Variants in OLA1 observed in about 807,000 individuals in gnomAD.
OLA1 encodes Obg like ATPase 1.
A neutral mutation model predicts 48.4 loss-of-function variants in OLA1; 14 were observed. That is an observed-to-expected ratio of 0.29 (90% CI 0.19 to 0.45). The LOEUF (loss-of-function observed/expected upper bound fraction) is 0.45. Ranked by LOEUF, OLA1 falls within the 20% of genes least tolerant of loss-of-function variation. OLA1 has a pLI of 1.00. For synonymous variants in OLA1, 127 were observed against 150.4 expected (o/e 0.84, Z 1.14); for missense variants, 325 against 467.1 (o/e 0.70, Z 2.80).
At chr2:174,205,604 A>G (rs1688094057) in intron 4 of OLA1, among the ~76,000 whole-genome samples, 1 of 152,170 alleles carries the variant, frequency 6.6e-6, no homozygotes, top group South Asian at 2.1e-4. Context: ...TACAAACAAA[A>G]TATCTAAATC....
intron 3 of OLA1, among the ~76,000 whole-genome samples, chr2:174,226,193 C>A (rs1316324926): frequency 7.0e-6 from 1 of 143,068 alleles, no homozygotes; most frequent in African/African-American, 2.6e-5. Context: ...AGCGAGACTC[C>A]GTCTCAAAAA....
intron 4 of OLA1, among the ~76,000 whole-genome samples, chr2:174,145,774 A>G (rs1279942699): frequency 6.6e-6 from 1 of 152,274 alleles, no homozygotes; most frequent in African/African-American, 2.4e-5. Flanking sequence ...TGTATAAAGT[A>G]ACAATCATAT....
chr2:174,148,129 G>A (rs1047629296), intron 4 of OLA1, among the ~76,000 whole-genome samples: 3 of 152,230 alleles, frequency 2.0e-5, no homozygotes, highest in African/African-American at 7.2e-5. Context: ...GCTCACGCCT[G>A]TAACCCCAGC....
chr2:174,196,804 G>A (rs1203783662), intron 4 of OLA1, among the ~76,000 whole-genome samples: 1 of 152,140 alleles, frequency 6.6e-6, no homozygotes, highest in African/African-American at 2.4e-5. Flanking sequence ...AATATGCCCT[G>A]TCAGAATATC....
At chr2:174,183,035 T>C (rs925422194) in intron 4 of OLA1, among the ~76,000 whole-genome samples, 1 of 152,058 alleles carries the variant, frequency 6.6e-6, no homozygotes, top group Non-Finnish European at 1.5e-5. Context: ...AGTGGCTCCA[T>C]ACGATCTCTA....
intron 5 of OLA1, 49 bp downstream of exon 5, chr2:174,141,776 A>C (rs745643319): frequency 7.1e-7 from 1 of 1,417,628 alleles, no homozygotes; most frequent in Non-Finnish European, 9.7e-7. Flanking sequence ...AATTTAATCA[A>C]GAAAAATAAA....
intron 4 of OLA1, among the ~76,000 whole-genome samples, chr2:174,187,793 T>A (rs1422778227): frequency 6.6e-6 from 1 of 151,950 alleles, no homozygotes; most frequent in Non-Finnish European, 1.5e-5. Context: ...GTATGGAAGG[T>A]TTTCAAAAGG....
In OLA1 at chr2:174,074,125, T is replaced by C. The variant is rs1022017734; in HGVS notation, c.*1301A>G. The C allele has an allele frequency of 2.0e-5, 3 of 152,166 alleles. No homozygotes were observed. Among genetic ancestry groups the C allele is most frequent in the Non-Finnish European group, 2.9e-5 (2 of 68,030 alleles). 9.4% of individuals were successfully genotyped at this position (152,166 alleles called of 1,614,324 possible). On this transcript the variant is annotated 3_prime_UTR_variant, in exon 11 of 11. Coordinates refer to ENST00000284719, the MANE Select transcript of OLA1 (RefSeq NM_013341.5). ...CATTTGGTAACTTTCCATTTTAAGT[T>C]TGTGTGTGTTCTAATACTTCTGCAT...
chr2:174,089,851 G>A (rs532728159), intron 7 of OLA1, among the ~76,000 whole-genome samples: 11 of 147,744 alleles, frequency 7.4e-5, no homozygotes, highest in Non-Finnish European at 1.3e-4. Context: ...GCAGGGAGTC[G>A]AGATCATGCT....
chr2:174,242,387 A>G (rs151064031), intron 2 of OLA1, among the ~76,000 whole-genome samples: 2 of 152,294 alleles, frequency 1.3e-5, no homozygotes, highest in Non-Finnish European at 2.9e-5. Context: ...ACCTGACCGG[A>G]GGTGGAGCTA....
chr2:174,140,169 G>C (rs2105379353), intron 5 of OLA1, among the ~76,000 whole-genome samples: 1 of 152,094 alleles, frequency 6.6e-6, no homozygotes, highest in South Asian at 2.1e-4. Flanking sequence ...AAGAAGAATA[G>C]GTAAATACCT....
At chr2:174,113,861 G>C (rs909292995) in intron 7 of OLA1, among the ~76,000 whole-genome samples, 6 of 152,096 alleles carry the variant, frequency 3.9e-5, no homozygotes, top group African/African-American at 1.4e-4. Context: ...ACTTGGGCAT[G>C]TTTTATAATC....
At chr2:174,128,760 A>G (rs1400563417) in intron 5 of OLA1, among the ~76,000 whole-genome samples, 3 of 151,896 alleles carry the variant, frequency 2.0e-5, no homozygotes, top group Non-Finnish European at 4.4e-5. Flanking sequence ...ATAAAATAAA[A>G]TAAACAAAGA....
At chr2:174,225,600 C>T (rs1442254328) in intron 3 of OLA1, among the ~76,000 whole-genome samples, 1 of 152,080 alleles carries the variant, frequency 6.6e-6, no homozygotes, top group East Asian at 1.9e-4. Context: ...GATGCTGGTG[C>T]TGTGTTTATA....
At chr2:174,114,058 G>T (rs937068093) in intron 7 of OLA1, among the ~76,000 whole-genome samples, 3 of 151,598 alleles carry the variant, frequency 2.0e-5, no homozygotes, top group African/African-American at 7.3e-5. Flanking sequence ...GCCGGGCGCG[G>T]TGGCTCATGC....
rs1372725907 is a variant in OLA1, at chr2:174,167,958, A to G, written c.374-25958T>C. ...GACCACCCTGGTGGGGAAAAACACT[A>G]TAAAACACAGACAAGATACAAAAAG... On this transcript the variant is annotated intron_variant, in intron 4 of 10. Transcript: ENST00000284719. Among the ~76,000 whole-genome samples the G allele has an allele frequency of 5.9e-5, 9 of 152,346 alleles. No homozygotes were observed. In the East Asian group the frequency reaches 1.7e-3, roughly 29 times the overall value.
At chr2:174,229,529 T>C (rs1688683644) in intron 2 of OLA1, 78 bp from the exon 3 acceptor site, 1 of 1,004,508 alleles carries the variant, frequency 1.0e-6, no homozygotes, top group African/African-American at 1.6e-5. Context: ...ATTTCAATGC[T>C]CAAATAAGAT....
chr2:174,138,326 C>A (rs1686358620), intron 5 of OLA1, among the ~76,000 whole-genome samples: 1 of 152,178 alleles, frequency 6.6e-6, no homozygotes, highest in South Asian at 2.1e-4. Context: ...GGAACACAGA[C>A]AACCCGGGAG....
At chr2:174,173,553 C>T (rs768271292) in intron 4 of OLA1, among the ~76,000 whole-genome samples, 15 of 151,876 alleles carry the variant, frequency 9.9e-5, no homozygotes, top group Admixed American at 2.0e-4. Flanking sequence ...AAGTTTACAA[C>T]TTGATTTTTT....
Sources: gnomAD v4.1 joint callset for allele counts (sites outside exome capture counted in the v4.1 genomes callset) on GRCh38, gnomAD v4.1.1 for gene constraint, MANE v1.5 for transcripts, NCBI Gene and HGNC (gene_info 2026-07-23, HGNC 2026-07-21) for gene names.